Variants in TEAD4 observed in about 807,000 individuals in gnomAD.
TEAD4 encodes transcriptional enhancer factor TEF-3.
TEAD4 carries 36 observed loss-of-function variants against 52.4 expected under a neutral mutation model. The observed-to-expected ratio is 0.69, with a 90% CI of 0.53 to 0.91. TEAD4 has a LOEUF of 0.91. TEAD4 is among the 40% of genes least tolerant of loss of function. TEAD4 has a pLI of 0.00. For synonymous variants in TEAD4, 220 were observed against 231.0 expected (o/e 0.95, Z 0.43); for missense variants, 508 against 583.9 (o/e 0.87, Z 1.34).
chr12:3,009,615 C>T (rs1336614923), intron 3 of TEAD4, among the ~76,000 whole-genome samples: 1 of 152,212 alleles, frequency 6.6e-6, no homozygotes, highest in Non-Finnish European at 1.5e-5. Context: ...CGAGATGCTG[C>T]ATGGGTGGCT....
intron 10 of TEAD4, among the ~76,000 whole-genome samples, chr12:3,034,610 A>C (rs371227175): frequency 1.3e-5 from 2 of 152,152 alleles, no homozygotes; most frequent in East Asian, 3.9e-4. Flanking sequence ...TTCTTCTAAG[A>C]TGGCACGTGA....
chr12:3,007,364 AGGCCTCG>A (rs1454007185), intron 3 of TEAD4, among the ~76,000 whole-genome samples: 7 of 152,216 alleles, frequency 4.6e-5, no homozygotes, highest in African/African-American at 1.7e-4. Flanking sequence ...TCGCTTGGCC[AGGCCTCG>A]GGCCATATTC....
chr12:3,002,376 G>A (rs775686630), intron 3 of TEAD4, among the ~76,000 whole-genome samples: 1 of 152,212 alleles, frequency 6.6e-6, no homozygotes, highest in Non-Finnish European at 1.5e-5. Flanking sequence ...TGTGGGATTG[G>A]AATTGCTAGC....
rs372257904 is a variant in TEAD4, at chr12:2,980,772, G to A, written c.-29-13966G>A. Among the ~76,000 whole-genome samples, 42 of 151,276 alleles carry A rather than the reference G, an allele frequency of 2.8e-4. No homozygotes were observed. The East Asian group carries it at 7.3e-3, about 26-fold the overall frequency. On this transcript the variant is annotated intron_variant, in intron 2 of 12. Transcript: ENST00000359864. ...AAAGTTGGCAAAATAGGTCAAAGAA[G>A]CATCATGGCCAGGCGCAGTGACTCA...
Position 2,987,701 on chromosome 12 carries a change from C to T in TEAD4, c.-29-7037C>T, listed in dbSNP as rs576431438. Among the ~76,000 whole-genome samples, 5 of 151,020 alleles carry T rather than the reference C, an allele frequency of 3.3e-5. No individual in the cohort carries two copies. In the East Asian group the frequency reaches 1.0e-3, roughly 31 times the overall value. Reference sequence around the variant, plus strand: ...CCTCCCAAAGTGCTGGGATTACAGGCCTGAGCCACCGTGCCCAGCCTGGAA... The same window carrying T: ...CCTCCCAAAGTGCTGGGATTACAGGTCTGAGCCACCGTGCCCAGCCTGGAA... On this transcript the variant is annotated intron_variant, in intron 2 of 12. Transcript: ENST00000359864.
chr12:3,034,907 G>A (rs1005833599), intron 10 of TEAD4, among the ~76,000 whole-genome samples: 31 of 151,610 alleles, frequency 2.0e-4, no homozygotes, highest in East Asian at 7.8e-4. Context: ...CAGCCTGGCC[G>A]ATATGGTGAA....
At chr12:3,031,522 C>T (rs2098275529) in intron 10 of TEAD4, among the ~76,000 whole-genome samples, 1 of 152,186 alleles carries the variant, frequency 6.6e-6, no homozygotes, top group Non-Finnish European at 1.5e-5. Flanking sequence ...TCTTGTTTCA[C>T]AAGTAGGGGA....
chr12:2,974,025 TGAGA>T (rs2098227396), intron 2 of TEAD4, among the ~76,000 whole-genome samples: 1 of 152,176 alleles, frequency 6.6e-6, no homozygotes, highest in Admixed American at 6.5e-5. Context: ...TTCTTTTTTC[TGAGA>T]CGGAGTCTCA....
At chr12:3,030,274 C>A (rs906528192) in intron 10 of TEAD4, among the ~76,000 whole-genome samples, 3 of 152,100 alleles carry the variant, frequency 2.0e-5, no homozygotes, top group Non-Finnish European at 4.4e-5. Flanking sequence ...TGGGCTTAAG[C>A]CATTCTCCTG....
At chr12:2,962,343 T>TAA (rs2098216440) in intron 2 of TEAD4, among the ~76,000 whole-genome samples, 7 of 103,108 alleles carry the variant, frequency 6.8e-5, no homozygotes, top group South Asian at 4.0e-4. Context: ...AATATATATA[T>TAA]ATATTTTTTG....
intron 2 of TEAD4, among the ~76,000 whole-genome samples, chr12:2,988,702 C>G (rs1466069627): frequency 1.3e-5 from 2 of 152,084 alleles, no homozygotes; most frequent in African/African-American, 4.8e-5. Flanking sequence ...AGGGGTGGAA[C>G]TTGCAGCCAC....
intron 5 of TEAD4, among the ~76,000 whole-genome samples, chr12:3,012,841 C>T (rs1035193405): frequency 1.3e-5 from 2 of 152,178 alleles, no homozygotes; most frequent in Non-Finnish European, 2.9e-5. Flanking sequence ...TGGGTGAACA[C>T]TGGGAGGGAG....
At chr12:2,963,115 C>A (rs1419436649) in intron 2 of TEAD4, among the ~76,000 whole-genome samples, 1 of 152,052 alleles carries the variant, frequency 6.6e-6, no homozygotes, top group Non-Finnish European at 1.5e-5. Context: ...AAGGGGCCCT[C>A]GGGTCTTTAA....
At chr12:3,013,488 C>T (rs2098262033) in intron 5 of TEAD4, among the ~76,000 whole-genome samples, 1 of 152,088 alleles carries the variant, frequency 6.6e-6, no homozygotes, top group Non-Finnish European at 1.5e-5. Context: ...CCTGTAAGCA[C>T]TTTGGGAGGC....
intron 2 of TEAD4, among the ~76,000 whole-genome samples, chr12:2,981,243 G>T (rs1210395296): frequency 2.0e-5 from 3 of 152,226 alleles, no homozygotes; most frequent in African/African-American, 7.2e-5. Context: ...CCAGTGCACA[G>T]GGGCTTGCAC....
At chr12:2,989,029 T>A (rs2098240967) in intron 2 of TEAD4, among the ~76,000 whole-genome samples, 1 of 152,096 alleles carries the variant, frequency 6.6e-6, no homozygotes, top group Admixed American at 6.6e-5. Flanking sequence ...GGTTAATTGA[T>A]CCTAAGGAGA....
At chr12:3,028,152 G>A (rs1160524416) in intron 10 of TEAD4, among the ~76,000 whole-genome samples, 1 of 152,172 alleles carries the variant, frequency 6.6e-6, no homozygotes, top group Non-Finnish European at 1.5e-5. Flanking sequence ...CCATGTTGTA[G>A]CACGTACGTT....
intron 10 of TEAD4, among the ~76,000 whole-genome samples, chr12:3,022,301 G>A (rs573989995): frequency 1.3e-5 from 2 of 152,102 alleles, no homozygotes; most frequent in South Asian, 2.1e-4. Context: ...GTGAGGAGGT[G>A]TAGTTCCAGA....
At chr12:2,964,526 T>A (rs1014961409) in intron 2 of TEAD4, among the ~76,000 whole-genome samples, 5 of 151,756 alleles carry the variant, frequency 3.3e-5, no homozygotes, top group Admixed American at 2.6e-4. Flanking sequence ...GCTGCAATCT[T>A]GGCACACCAC....
Sources: gnomAD v4.1 joint callset for allele counts (sites outside exome capture counted in the v4.1 genomes callset) on GRCh38, gnomAD v4.1.1 for gene constraint, MANE v1.5 for transcripts, NCBI Gene and HGNC (gene_info 2026-07-23, HGNC 2026-07-21) for gene names.